SCN11A: variants seen among roughly 807,000 people sequenced by gnomAD.
SCN11A encodes sodium voltage-gated channel alpha subunit 11.
Under a neutral mutation model 162.2 loss-of-function variants are expected in SCN11A, and 122 were observed. The observed-to-expected ratio is 0.75, with a 90% CI of 0.65 to 0.87. SCN11A has a LOEUF of 0.87. SCN11A is among the 40% of genes least tolerant of loss of function. SCN11A has a pLI of 0.00. For synonymous variants in SCN11A, 758 were observed against 751.5 expected (o/e 1.01, Z -0.14); for missense variants, 2,015 against 2,181.6 (o/e 0.92, Z 1.52).
chr3:38,964,122 G>A (rs1023797562), intron 2 of SCN11A, among the ~76,000 whole-genome samples: 1 of 152,244 alleles, frequency 6.6e-6, no homozygotes, highest in Non-Finnish European at 1.5e-5. Context: ...CAGAGCACCT[G>A]TGCTGGGTCC....
Position 38,846,643 on chromosome 3 carries a change from G to C in SCN11A, c.*51C>G. ...CTAAGCTGCTGACCCCTGGAGCTCA[G>C]AGGCTGAAGGCAAGGCTGTGAAGCT... On this transcript the variant is annotated 3_prime_UTR_variant, in exon 30 of 30. Transcript: ENST00000302328. 6.7e-7 allele frequency: 1 copy of C among 1,483,076 alleles called. No homozygotes were observed. The allele number at this position is 1,483,076 out of a possible 1,614,324, so 91.9% of individuals were successfully genotyped here. A position where few individuals can be genotyped will look rare whatever the true frequency, so the allele number is the denominator to read the frequency against.
chr3:38,859,517 A>G, intron 28 of SCN11A, among the ~76,000 whole-genome samples: 1 of 152,202 alleles, frequency 6.6e-6, no homozygotes, highest in East Asian at 1.9e-4. Flanking sequence ...AGATTGAAAC[A>G]GTAATAAAAA....
At chr3:39,005,700 CTT>C (rs890970961) in intron 2 of SCN11A, among the ~76,000 whole-genome samples, 9 of 152,208 alleles carry the variant, frequency 5.9e-5, no homozygotes, top group African/African-American at 2.2e-4. Flanking sequence ...AAAATATTGT[CTT>C]ATCCATTTTT....
At chr3:38,863,707 C>G (rs2065000602) in intron 27 of SCN11A, among the ~76,000 whole-genome samples, 1 of 151,724 alleles carries the variant, frequency 6.6e-6, no homozygotes, top group South Asian at 2.1e-4. Context: ...ACACATAACA[C>G]TACTAACAAA....
At chr3:39,003,563 G>C (rs1307195604) in intron 2 of SCN11A, among the ~76,000 whole-genome samples, 1 of 152,168 alleles carries the variant, frequency 6.6e-6, no homozygotes, top group Non-Finnish European at 1.5e-5. Context: ...GAGATTGCTG[G>C]GTTGAATGGT....
chr3:38,939,807 T>A (rs2066412423), intron 7 of SCN11A, among the ~76,000 whole-genome samples: 1 of 151,100 alleles, frequency 6.6e-6, no homozygotes, highest in African/African-American at 2.4e-5. Context: ...GGAGGCTGAG[T>A]CAGGAGAATC....
intron 13 of SCN11A, among the ~76,000 whole-genome samples, chr3:38,908,545 A>C (rs1221540471): frequency 6.6e-6 from 1 of 152,212 alleles, no homozygotes; most frequent in African/African-American, 2.4e-5. Flanking sequence ...TAAAGATTCC[A>C]AGGAAACTAT....
chr3:39,038,917 A>T (rs1483740007), intron 1 of SCN11A, among the ~76,000 whole-genome samples: 1 of 152,206 alleles, frequency 6.6e-6, no homozygotes, highest in African/African-American at 2.4e-5. Flanking sequence ...TCCATTTATG[A>T]CTTCCTTTCT....
At chr3:38,875,912 A>T (rs998534185) in intron 23 of SCN11A, among the ~76,000 whole-genome samples, 1 of 152,160 alleles carries the variant, frequency 6.6e-6, no homozygotes, top group Admixed American at 6.6e-5. Context: ...AAGCAAGACT[A>T]ACCAAAAAGA....
At chr3:38,907,369 C>T (rs1266770154) in intron 14 of SCN11A, among the ~76,000 whole-genome samples, 17 of 140,828 alleles carry the variant, frequency 1.2e-4, no homozygotes, top group African/African-American at 3.7e-4. Context: ...CACACACACA[C>T]ACACACACAC....
At chr3:39,032,823 T>A (rs149640596) in intron 1 of SCN11A, among the ~76,000 whole-genome samples, 1 of 152,292 alleles carries the variant, frequency 6.6e-6, no homozygotes, top group Non-Finnish European at 1.5e-5. Context: ...ATGGGTACCA[T>A]TTTTATTACC....
chr3:38,866,145 A>G (rs1233672404), intron 27 of SCN11A, among the ~76,000 whole-genome samples: 1 of 152,192 alleles, frequency 6.6e-6, no homozygotes, highest in African/African-American at 2.4e-5. Flanking sequence ...CAAAGAGGGG[A>G]ATGATCAGGA....
chr3:38,897,049 T>C lies in SCN11A; in HGVS notation c.2199A>G (p.Pro733=), dbSNP rs1239938360. ...TCGGGCCTGTCGGGTTACAGAGTTT[T>C]GGACTCTTTTGGGAATTGAAGCTAC... ...FGRSFNSQKS[P]KLCNPTGPTV... Residue 733 remains proline (P), a synonymous_variant, in exon 18 of 30, where the codon CCA becomes CCG. Transcript: ENST00000302328. The C allele has an allele frequency of 2.5e-6, 4 of 1,614,036 alleles. No individual in the cohort carries two copies. The highest frequency in any genetic ancestry group is 3.4e-6 in the Non-Finnish European group (4 of 1,180,026).
intron 2 of SCN11A, among the ~76,000 whole-genome samples, chr3:39,030,439 G>A (rs1559579761): frequency 6.6e-6 from 1 of 152,154 alleles, no homozygotes; most frequent in Non-Finnish European, 1.5e-5. Flanking sequence ...AGGCATCTCA[G>A]CCCTAACCAC....
rs369125313 is a variant in SCN11A at position 38,945,911 on chromosome 3, T to C, written c.387-399A>G. 7.2e-5 allele frequency among the ~76,000 whole-genome samples: 11 copies of C among 152,346 alleles called. No homozygotes were observed. The East Asian group carries it at 1.7e-3, about 24-fold the overall frequency. ...TCTCCTTCTCCAGAAAGCACTCCTC[T>C]GTTAAATCACTTAAATAAGAATGCC... On this transcript the variant is annotated intron_variant, in intron 6 of 29. Coordinates refer to ENST00000302328, the MANE Select transcript of SCN11A (RefSeq NM_001349253.2).
At chr3:38,948,093 G>A (rs1456932558) in intron 5 of SCN11A, among the ~76,000 whole-genome samples, 2 of 152,200 alleles carry the variant, frequency 1.3e-5, no homozygotes, top group African/African-American at 2.4e-5. Flanking sequence ...AGGGAAAACT[G>A]TGCTAGGGTA....
At chr3:38,856,988 T>A (rs201300632) in intron 28 of SCN11A, among the ~76,000 whole-genome samples, 1 of 151,842 alleles carries the variant, frequency 6.6e-6, no homozygotes, top group African/African-American at 2.4e-5. Flanking sequence ...ATTTTAAATT[T>A]AAAAAACACA....
chr3:38,982,036 C>A (rs1352201291), intron 2 of SCN11A, among the ~76,000 whole-genome samples: 5 of 151,302 alleles, frequency 3.3e-5, no homozygotes, highest in African/African-American at 9.7e-5. Context: ...AAACAAAAAG[C>A]AAAAAGAAAA....
intron 17 of SCN11A, among the ~76,000 whole-genome samples, chr3:38,898,662 T>C (rs529981133): frequency 2.0e-5 from 3 of 152,326 alleles, no homozygotes; most frequent in South Asian, 4.1e-4. Flanking sequence ...AGAGAAAACA[T>C]AGCAACTTGT....
Sources: allele counts gnomAD v4.1 joint callset (sites outside exome capture counted in the v4.1 genomes callset), GRCh38; gene constraint gnomAD v4.1.1; transcripts MANE v1.5; gene names NCBI Gene and HGNC (gene_info 2026-07-23, HGNC 2026-07-21).